ATRNL1: variants seen among roughly 807,000 people sequenced by gnomAD.
ATRNL1 encodes the protein attractin like 1.
In ATRNL1, 95 loss-of-function variants were observed where a neutral mutation model predicts 182.7. That is an observed-to-expected ratio of 0.52 (90% CI 0.44 to 0.62). The LOEUF (loss-of-function observed/expected upper bound fraction) is 0.62, where lower values mean the gene tolerates loss of function less well. Ranked by LOEUF, ATRNL1 falls within the 20% of genes least tolerant of loss-of-function variation. The pLI, the probability that ATRNL1 is intolerant of heterozygous loss-of-function variation, is 0.00. For missense variants in ATRNL1, 1,471 were observed against 1,679.5 expected (o/e 0.88, Z 2.17); for synonymous variants, 576 against 568.3 (o/e 1.01, Z -0.19).
At chr10:115,643,887 A>C (rs2133863519) in intron 26 of ATRNL1, among the ~76,000 whole-genome samples, 1 of 152,294 alleles carries the variant, frequency 6.6e-6, no homozygotes, top group South Asian at 2.1e-4. Flanking sequence ...AAAATGGTAC[A>C]GTCACTTTGA....
At chr10:115,559,441 T>TGCGCGC (rs782381760) in intron 26 of ATRNL1, among the ~76,000 whole-genome samples, 194 of 15,282 alleles carry the variant, frequency 0.013, 2 homozygotes, top group East Asian at 0.11. Context: ...TGTGTGTGTG[T>TGCGCGC]GTGCGCGCGC....
intron 27 of ATRNL1, among the ~76,000 whole-genome samples, chr10:115,791,229 C>G (rs958864966): frequency 6.6e-6 from 1 of 152,130 alleles, no homozygotes; most frequent in Non-Finnish European, 1.5e-5. Flanking sequence ...TTGTGCTTCC[C>G]CCTTCCTCAT....
At chr10:115,781,753 C>T (rs1328679473) in intron 27 of ATRNL1, among the ~76,000 whole-genome samples, 3 of 152,104 alleles carry the variant, frequency 2.0e-5, no homozygotes. Context: ...TTACATAGGC[C>T]TGTTCCCTTC....
rs150883339 is a variant in ATRNL1, at chr10:115,114,788, G to C, written c.294-5397G>C. Among the ~76,000 whole-genome samples the C allele has an allele frequency of 4.4e-3, 675 of 152,054 alleles. 8 individuals carry two copies. The highest frequency in any genetic ancestry group is 3.3e-3 in the Non-Finnish European group (224 of 67,948). ...AAAGGGAAGTTTTGTACACTATTGG[G>C]GGAAAGTAAATTAGTACAGCCATTT... is the stretch of plus-strand genomic sequence containing the variant. On this transcript the variant is annotated intron_variant, in intron 1 of 28. Coordinates refer to ENST00000355044, the MANE Select transcript of ATRNL1 (RefSeq NM_207303.4).
intron 27 of ATRNL1, among the ~76,000 whole-genome samples, chr10:115,799,133 C>A (rs1306956426): frequency 6.6e-6 from 1 of 152,058 alleles, no homozygotes; most frequent in Admixed American, 6.6e-5. Context: ...GCTTTCTTTA[C>A]GTCGGAGATC....
intron 8 of ATRNL1, among the ~76,000 whole-genome samples, chr10:115,177,903 G>GTTTTTTTTTGTTTTTTTTTTTTTTT (rs147613896): frequency 9.8e-6 from 1 of 102,062 alleles, no homozygotes; most frequent in Non-Finnish European, 1.9e-5. Context: ...TTGTTTTTTT[G>GTTTTTTTTTGTTTTTTTTTTTTTTT]TTTTTTTTGT....
chr10:115,684,060 A>G (rs1946139658), intron 26 of ATRNL1, among the ~76,000 whole-genome samples: 1 of 151,704 alleles, frequency 6.6e-6, no homozygotes, highest in Admixed American at 6.6e-5. Flanking sequence ...TATTTATGGT[A>G]ATTATTTCCA....
At chr10:115,922,102 G>A (rs1329893991) in intron 28 of ATRNL1, among the ~76,000 whole-genome samples, 1 of 152,128 alleles carries the variant, frequency 6.6e-6, no homozygotes, top group Non-Finnish European at 1.5e-5. Flanking sequence ...AAACTACTCT[G>A]AACCCTGCCC....
Position 115,301,899 on chromosome 10 carries a change from C to T in ATRNL1, c.2674C>T (p.Leu892=). 2 of 1,613,528 alleles carry T rather than the reference C, an allele frequency of 1.2e-6. No individual in the cohort carries two copies. Among genetic ancestry groups the T allele is most frequent in the Non-Finnish European group, 1.7e-6 (2 of 1,179,748 alleles). Residue 892 remains leucine (L), a synonymous_variant, in exon 17 of 29, where the codon CTG becomes TTG. Transcript: ENST00000355044. The part of the protein sequence containing the change: ...NARPCKKPCS[L]RTSCSNCTSN... The stretch of plus-strand genomic sequence containing the variant: ...GAGGCCGTGCAAAAAGCCATGCTCT[C>T]TGAGGACATCATGTTCCAACTGTAC...
intron 25 of ATRNL1, among the ~76,000 whole-genome samples, chr10:115,549,181 A>C (rs557814973): frequency 1.1e-4 from 16 of 152,082 alleles, no homozygotes; most frequent in Non-Finnish European, 1.9e-4. Flanking sequence ...CTGTTGCTTC[A>C]TAAGACCAAT....
chr10:115,422,832 A>G (rs1397351283), intron 20 of ATRNL1, among the ~76,000 whole-genome samples: 1 of 152,190 alleles, frequency 6.6e-6, no homozygotes, highest in Non-Finnish European at 1.5e-5. Flanking sequence ...ACATACGAAC[A>G]TAAAGAAGGG....
intron 26 of ATRNL1, among the ~76,000 whole-genome samples, chr10:115,674,090 A>G (rs375298532): frequency 7.9e-5 from 12 of 152,114 alleles, no homozygotes; most frequent in Non-Finnish European, 1.2e-4. Context: ...GAAAGCAAAG[A>G]GATCTTTGAT....
At position 115,893,171 on chromosome 10, in the gene ATRNL1, C is replaced by T. The variant is rs554917596; in HGVS notation, c.4018+45180C>T. ...TTCATCATATAGATAACGGCAAAAGCTGGATTTCAATATCTTAGGCATGAG... is the reference window on the plus strand; with the variant it reads ...TTCATCATATAGATAACGGCAAAAGTTGGATTTCAATATCTTAGGCATGAG... On this transcript the variant is annotated intron_variant, in intron 28 of 28. Transcript: ENST00000355044. Among the ~76,000 whole-genome samples the T allele has an allele frequency of 1.6e-4, 24 of 152,236 alleles. 1 individual carries two copies. In the East Asian group the frequency reaches 3.7e-3, roughly 23 times the overall value.
intron 9 of ATRNL1, among the ~76,000 whole-genome samples, chr10:115,237,517 A>G (rs1216742488): frequency 6.6e-6 from 1 of 152,162 alleles, no homozygotes; most frequent in Non-Finnish European, 1.5e-5. Context: ...CTTACTAGAC[A>G]TAAATATGTC....
At chr10:115,625,110 G>T (rs1858007479) in intron 26 of ATRNL1, among the ~76,000 whole-genome samples, 1 of 152,132 alleles carries the variant, frequency 6.6e-6, no homozygotes, top group Non-Finnish European at 1.5e-5. Flanking sequence ...AGCCAAATAA[G>T]ATATTGGGTT....
At chr10:115,398,231 G>T (rs1309893323) in intron 20 of ATRNL1, among the ~76,000 whole-genome samples, 2 of 151,956 alleles carry the variant, frequency 1.3e-5, no homozygotes, top group Non-Finnish European at 2.9e-5. Flanking sequence ...CAGTGGGCAG[G>T]GCATCAGTAG....
At chr10:115,786,987 A>C (rs1467614120) in intron 27 of ATRNL1, among the ~76,000 whole-genome samples, 4 of 152,210 alleles carry the variant, frequency 2.6e-5, no homozygotes, top group Non-Finnish European at 5.9e-5. Context: ...GCCTGCTACT[A>C]ACTGTGGTTA....
intron 25 of ATRNL1, among the ~76,000 whole-genome samples, chr10:115,535,553 A>G (rs969637151): frequency 3.9e-5 from 6 of 152,080 alleles, no homozygotes; most frequent in Admixed American, 2.6e-4. Flanking sequence ...TTTGGTTTGA[A>G]TATCCTCCTG....
chr10:115,713,190 C>A, intron 26 of ATRNL1, among the ~76,000 whole-genome samples: 1 of 152,100 alleles, frequency 6.6e-6, no homozygotes, highest in East Asian at 1.9e-4. Flanking sequence ...TGACCTTGAG[C>A]TTGTGTTCAA....
Sources: allele counts gnomAD v4.1 joint callset (sites outside exome capture counted in the v4.1 genomes callset), GRCh38; gene constraint gnomAD v4.1.1; transcripts MANE v1.5; gene names NCBI Gene and HGNC (gene_info 2026-07-23, HGNC 2026-07-21).